GRID1: variants seen among roughly 807,000 people sequenced by gnomAD.
GRID1 encodes the protein glutamate receptor ionotropic, delta-1.
Under a neutral mutation model 98.0 loss-of-function variants are expected in GRID1, and 28 were observed. The observed-to-expected ratio is 0.29, with a 90% CI of 0.21 to 0.39. The LOEUF (loss-of-function observed/expected upper bound fraction) is 0.39. GRID1 is among the 10% of genes least tolerant of loss of function. The pLI is 1.00. For synonymous variants in GRID1, 553 were observed against 538.5 expected, an observed-to-expected ratio of 1.03 and a Z score of -0.37; for missense variants, 1,111 against 1,340.5, an observed-to-expected ratio of 0.83 and a Z score of 2.67.
intron 12 of GRID1, among the ~76,000 whole-genome samples, chr10:85,670,178 T>G (rs537487449): frequency 6.6e-6 from 1 of 152,330 alleles, no homozygotes; most frequent in South Asian, 2.1e-4. Context: ...CAGGAAAGAC[T>G]GAAAAGCCCT....
At chr10:85,770,648 A>G (rs546339017) in intron 8 of GRID1, among the ~76,000 whole-genome samples, 1 of 152,368 alleles carries the variant, frequency 6.6e-6, no homozygotes, top group Non-Finnish European at 1.5e-5. Context: ...ATGGAGCTGA[A>G]AGCCAAGGCT....
intron 3 of GRID1, among the ~76,000 whole-genome samples, chr10:86,153,542 T>C (rs1473594045): frequency 6.6e-6 from 1 of 152,190 alleles, no homozygotes; most frequent in African/African-American, 2.4e-5. Flanking sequence ...AAATAATGGG[T>C]GTCATTGCTT....
At chr10:86,281,007 C>T (rs2168725) in intron 2 of GRID1, among the ~76,000 whole-genome samples, 78,044 of 152,104 alleles carry the variant, frequency 0.51, 23,854 homozygotes, top group Non-Finnish European at 0.67. Flanking sequence ...CTCTGAACCT[C>T]GCCTGGAGCC....
chr10:85,698,587 T>A (rs1480904330), intron 12 of GRID1, among the ~76,000 whole-genome samples: 2 of 152,230 alleles, frequency 1.3e-5, no homozygotes, highest in Non-Finnish European at 2.9e-5. Context: ...CCTTAGTTGC[T>A]TCCAAGTTTT....
chr10:85,847,353 G>A (rs1298573123), intron 8 of GRID1, among the ~76,000 whole-genome samples: 35 of 152,156 alleles, frequency 2.3e-4, no homozygotes, highest in Admixed American at 2.3e-3. Flanking sequence ...GTCTGAATTG[G>A]CCAACCCTGA....
chr10:86,069,049 G>C (rs934475229), intron 4 of GRID1, among the ~76,000 whole-genome samples: 2 of 152,090 alleles, frequency 1.3e-5, no homozygotes, highest in African/African-American at 4.8e-5. Context: ...GCTGTGGGAA[G>C]GGGGAGTATA....
chr10:85,954,524 C>A (rs938180167), intron 4 of GRID1, among the ~76,000 whole-genome samples: 3 of 152,148 alleles, frequency 2.0e-5, no homozygotes, highest in Non-Finnish European at 4.4e-5. Flanking sequence ...AGCCTTTATA[C>A]TTTCTTTATT....
At chr10:85,760,697 GT>G in intron 8 of GRID1, among the ~76,000 whole-genome samples, 1 of 152,288 alleles carries the variant, frequency 6.6e-6, no homozygotes, top group East Asian at 1.9e-4. Context: ...ACGTTCTATA[GT>G]GTCTCAAGCA....
chr10:86,037,462 T>C (rs922225850), intron 4 of GRID1, among the ~76,000 whole-genome samples: 3 of 152,338 alleles, frequency 2.0e-5, no homozygotes, highest in Non-Finnish European at 2.9e-5. Flanking sequence ...TGTGCTACTT[T>C]ATGCAAAGTG....
intron 8 of GRID1, among the ~76,000 whole-genome samples, chr10:85,734,207 A>G (rs1484362658): frequency 6.6e-6 from 1 of 152,092 alleles, no homozygotes; most frequent in Non-Finnish European, 1.5e-5. Context: ...CTCATATTCT[A>G]GGATCTCTCC....
At chr10:86,268,542 C>A (rs1189098439) in intron 2 of GRID1, among the ~76,000 whole-genome samples, 1 of 152,230 alleles carries the variant, frequency 6.6e-6, no homozygotes, top group Non-Finnish European at 1.5e-5. Flanking sequence ...ATGCTTCCTG[C>A]AGCATCCAGG....
At chr10:85,768,030 A>G (rs556225752) in intron 8 of GRID1, among the ~76,000 whole-genome samples, 3 of 152,220 alleles carry the variant, frequency 2.0e-5, no homozygotes, top group African/African-American at 7.2e-5. Flanking sequence ...GTAATCCCCA[A>G]ACAGAACAGG....
At chr10:86,299,755 C>G (rs1368660395) in intron 2 of GRID1, among the ~76,000 whole-genome samples, 1 of 152,102 alleles carries the variant, frequency 6.6e-6, no homozygotes, top group Non-Finnish European at 1.5e-5. Flanking sequence ...GTCAAGGGCC[C>G]ATGAACCACA....
At chr10:85,651,570 G>A (rs893364381) in intron 12 of GRID1, among the ~76,000 whole-genome samples, 10 of 152,240 alleles carry the variant, frequency 6.6e-5, no homozygotes, top group Non-Finnish European at 1.5e-4. Flanking sequence ...ACTTGCAGAA[G>A]TCTGAACCCA....
intron 2 of GRID1, among the ~76,000 whole-genome samples, chr10:86,349,352 G>A (rs1848432483): frequency 6.6e-6 from 1 of 152,202 alleles, no homozygotes. Flanking sequence ...AGCACCTGGA[G>A]CCCGGGTGAG....
At chr10:86,079,415 A>G (rs944513592) in intron 4 of GRID1, among the ~76,000 whole-genome samples, 5 of 152,160 alleles carry the variant, frequency 3.3e-5, no homozygotes, top group Non-Finnish European at 7.3e-5. Context: ...TGATTTAATC[A>G]TGCATTTCGC....
At chr10:85,779,370 C>T (rs978507595) in intron 8 of GRID1, among the ~76,000 whole-genome samples, 2 of 152,258 alleles carry the variant, frequency 1.3e-5, no homozygotes, top group Non-Finnish European at 2.9e-5. Flanking sequence ...TGGGAGTCTT[C>T]TCAGTTCTCC....
chr10:85,991,461 T>C (rs1842678943), intron 4 of GRID1, among the ~76,000 whole-genome samples: 1 of 151,600 alleles, frequency 6.6e-6, no homozygotes, highest in South Asian at 2.1e-4. Flanking sequence ...TTGAAGCCAT[T>C]GGTGGAGATG....
Position 85,601,041 on chromosome 10 carries a change from G to GGGCT in GRID1, c.*1228_*1231dup, listed in dbSNP as rs1427627918. 1 of 152,258 alleles carries GGGCT rather than the reference G, an allele frequency of 6.6e-6. No individual in the cohort carries two copies. Among genetic ancestry groups the GGGCT allele is most frequent in the Non-Finnish European group, 1.5e-5 (1 of 68,058 alleles). The allele number at this position is 152,258 out of a possible 1,614,324, so 9.4% of individuals were successfully genotyped here. ...ACCCAGAGATAGGCCTTTACTTTTG[G>GGGCT]GGCTACAAGCAACTTCCCTGGTGGA... is the stretch of plus-strand genomic sequence containing the variant. On this transcript the variant is annotated 3_prime_UTR_variant, in exon 16 of 16. Coordinates refer to ENST00000327946, the MANE Select transcript of GRID1 (RefSeq NM_017551.3).
Sources: allele counts gnomAD v4.1 joint callset (sites outside exome capture counted in the v4.1 genomes callset), GRCh38; gene constraint gnomAD v4.1.1; transcripts MANE v1.5; gene names NCBI Gene and HGNC (gene_info 2026-07-23, HGNC 2026-07-21).